SCAF4: variants seen among roughly 807,000 people sequenced by gnomAD.
SCAF4 encodes SR-related and CTD-associated factor 4.
SCAF4 carries 25 observed loss-of-function variants against 129.8 expected under a neutral mutation model. The observed-to-expected ratio is 0.19, with a 90% confidence interval of 0.14 to 0.27. The LOEUF is 0.27. Among genes scored for constraint, SCAF4 ranks in the 10% least tolerant of loss-of-function variants. The pLI, the probability that SCAF4 is intolerant of heterozygous loss-of-function variation, is 1.00. For synonymous variants in SCAF4, 551 were observed against 497.7 expected (o/e 1.11, Z -1.43); for missense variants, 1,246 against 1,457.1 (o/e 0.86, Z 2.36).
At position 31,699,717 on chromosome 21, in the gene SCAF4, A is replaced by T. The variant is rs74547096; in HGVS notation, c.777+1278T>A. 4.6e-3 allele frequency among the ~76,000 whole-genome samples: 706 copies of T among 152,146 alleles called. 3 individuals are homozygous for T. Among genetic ancestry groups the T allele is most frequent in the African/African-American group, 0.013 (533 of 41,406 alleles). On this transcript the variant is annotated intron_variant, in intron 7 of 19. Transcript: ENST00000286835. The stretch of plus-strand genomic sequence containing the variant: ...AGATATTTTAAAGATGATGAAACCA[A>T]AGGCATCAGTTCTGATTTTCAAACT...
At chr21:31,701,945 TA>T (rs763267615) in intron 5 of SCAF4, 27 bp from the exon 6 acceptor site, 126 of 1,589,374 alleles carry the variant, frequency 7.9e-5, no homozygotes, top group Admixed American at 5.1e-4. Flanking sequence ...CATTAAGGCC[TA>T]AAAAAAAAGT....
intron 19 of SCAF4, among the ~76,000 whole-genome samples, chr21:31,677,579 A>C (rs144016165): frequency 1.2e-3 from 179 of 152,288 alleles, no homozygotes; most frequent in South Asian, 8.9e-3. Context: ...CATTTTGCTA[A>C]ATCCAGCTGC....
chr21:31,674,819 T>C (rs910891451), intron 19 of SCAF4, among the ~76,000 whole-genome samples: 2 of 152,004 alleles, frequency 1.3e-5, no homozygotes, highest in East Asian at 1.9e-4. Context: ...ATTCATATTA[T>C]GTATTAAATA....
Position 31,702,222 on chromosome 21 carries a change from TCA to T in SCAF4, c.457+20_457+21del, listed in dbSNP as rs750446882. The T allele has an allele frequency of 3.0e-5, 49 of 1,613,618 alleles. No individual in the cohort carries two copies. In the Admixed American group the frequency reaches 3.7e-4, roughly 12 times the overall value. ...CAAAAAATCATACCATTGTGTGAGC[TCA>T]CAGATACATCTGACCATACCTTCAT... On this transcript the variant is annotated intron_variant, in intron 5 of 19. Transcript: ENST00000286835.
intron 6 of SCAF4, 73 bp downstream of exon 6, chr21:31,701,696 TATTAATG>T: frequency 7.0e-7 from 1 of 1,430,530 alleles, no homozygotes; most frequent in Non-Finnish European, 9.4e-7. Context: ...TCAATGTGCT[TATTAATG>T]AAGAATAGAA....
chr21:31,690,121 C>G (rs1028683459), intron 15 of SCAF4, among the ~76,000 whole-genome samples: 1 of 152,142 alleles, frequency 6.6e-6, no homozygotes, highest in South Asian at 2.1e-4. Flanking sequence ...TTGTCTTACA[C>G]GTTTACTTTA....
Position 31,685,160 on chromosome 21 carries a change from T to G in SCAF4, c.2377A>C (p.Arg793=). 6.2e-7 allele frequency: 1 copy of G among 1,612,876 alleles called. No homozygotes were observed. Among genetic ancestry groups the G allele is most frequent in the South Asian group, 1.1e-5 (1 of 91,034 alleles). Residue 793 remains arginine, a synonymous_variant, in exon 19 of 20, where the codon AGA becomes CGA. Transcript: ENST00000286835. The part of the protein sequence containing the change: ...NPIPTVVSGA[R]GNAESGDSVK... ...CTGTCACCAGACTCGGCGTTTCCTC[T>G]AGCCCCAGACACCACTGTTGGAATG...
Position 31,671,578 on chromosome 21 carries a change from C to T in SCAF4, c.3265G>A (p.Gly1089Ser), listed in dbSNP as rs144640840. 12 of 1,614,122 alleles carry T rather than the reference C, an allele frequency of 7.4e-6. No homozygotes were observed. The highest frequency in any genetic ancestry group is 1.0e-5 in the Non-Finnish European group (12 of 1,180,004). ...ATGGGAGGTTCAACGGTTTTGTTAC[C>T]ACCTGCCCTGTCTGTCACCTCAGGC... ...EKPEVTDRAG[G>S]NKTVEPPISQ... Residue 1089 changes from glycine to serine, a missense_variant, in exon 20 of 20, where the codon GGT becomes AGT. By Grantham distance (56) the Gly-to-Ser change is moderately conservative. This residue lies in a region of SCAF4 where 339 missense variants were observed against 325.0 expected (regional missense o/e 1.04). Transcript: ENST00000286835.
intron 1 of SCAF4, among the ~76,000 whole-genome samples, chr21:31,723,503 G>A (rs1436447424): frequency 1.3e-5 from 2 of 151,790 alleles, no homozygotes; most frequent in East Asian, 1.9e-4. Flanking sequence ...AAAAAATCCT[G>A]TAACATTTGT....
At chr21:31,691,755 C>T (rs2050264945) in intron 14 of SCAF4, 62 bp downstream of exon 14, 1 of 704,614 alleles carries the variant, frequency 1.4e-6, no homozygotes, top group Non-Finnish European at 2.2e-6. Context: ...TTTTATATGC[C>T]ACATATTTTT....
Position 31,701,049 on chromosome 21 carries a change from T to C in SCAF4, c.723A>G (p.Pro241=), listed in dbSNP as rs2050518667. 2 of 1,614,096 alleles carry C rather than the reference T, an allele frequency of 1.2e-6. No homozygotes were observed. Among genetic ancestry groups the C allele is most frequent in the Non-Finnish European group, 1.7e-6 (2 of 1,180,016 alleles). Residue 241 remains proline (P), a synonymous_variant, in exon 7 of 20, where the codon CCA becomes CCG. Coordinates refer to ENST00000286835, the MANE Select transcript of SCAF4 (RefSeq NM_020706.2). ...GGGGGAAAGCAGCTTTTTGTTCAGA[T>C]GGTTGTGTAGGAGTTGTCTTTAACT... ...TAQLKTTPTQ[P]SEQKAAFPPP...
rs1307647611 is a variant in SCAF4 at position 31,671,885 on chromosome 21, A to T, written c.2958T>A (p.Asp986Glu). Residue 986 changes from aspartate to glutamate, a missense_variant, in exon 20 of 20, where the codon GAT becomes GAA. Physicochemically the swap from Asp to Glu is conservative, Grantham distance 45. Coordinates refer to ENST00000286835, the MANE Select transcript of SCAF4 (RefSeq NM_020706.2). Reference sequence around the variant, plus strand: ...TACCTGAATTGAACTGCTGCCTGTTATCATTTCTAAACTGCTGTGGCTGCT... The same window carrying T: ...TACCTGAATTGAACTGCTGCCTGTTTTCATTTCTAAACTGCTGTGGCTGCT... Reference protein sequence around the residue: ...TQQQPQQFRNDNRQQFNSGRD... With the variant: ...TQQQPQQFRNENRQQFNSGRD... 2 of 1,613,978 alleles carry T rather than the reference A, an allele frequency of 1.2e-6. No individual in the cohort carries two copies. The highest frequency in any genetic ancestry group is 1.7e-6 in the Non-Finnish European group (2 of 1,180,004).
intron 1 of SCAF4, among the ~76,000 whole-genome samples, chr21:31,722,936 G>C (rs987799703): frequency 1.3e-5 from 2 of 152,098 alleles, no homozygotes; most frequent in Non-Finnish European, 2.9e-5. Context: ...CTGGGTGACA[G>C]AGCAAGACTC....
At chr21:31,678,574 C>G (rs956004138) in intron 19 of SCAF4, among the ~76,000 whole-genome samples, 1 of 147,470 alleles carries the variant, frequency 6.8e-6, no homozygotes, top group African/African-American at 2.4e-5. Flanking sequence ...CCATTTCCCA[C>G]TGCACTCAAA....
rs532815244 is a variant in SCAF4 at position 31,701,709 on chromosome 21, T to A, written c.600+67A>T. On this transcript the variant is annotated intron_variant, in intron 6 of 19. Transcript: ENST00000286835. ...TTTCAATGTGCTTATTAATGAAGAA[T>A]AGAAAACAAGAAGTGACAACAGTAC... 15 of 1,488,638 alleles carry A rather than the reference T, an allele frequency of 1.0e-5. No individual in the cohort carries two copies. In the Admixed American group the frequency reaches 1.9e-4, roughly 19 times the overall value. The allele number at this position is 1,488,638 out of a possible 1,614,324, so 92.2% of individuals were successfully genotyped here.
chr21:31,729,105 T>G (rs944343118), intron 1 of SCAF4, among the ~76,000 whole-genome samples: 9 of 152,138 alleles, frequency 5.9e-5, no homozygotes, highest in Non-Finnish European at 1.3e-4. Context: ...AACGAAACAG[T>G]TTTGATTACA....
chr21:31,694,346 G>A (rs2123544375), intron 10 of SCAF4, 57 bp from the exon 11 acceptor site: 4 of 1,098,620 alleles, frequency 3.6e-6, no homozygotes, highest in South Asian at 1.4e-5. Context: ...AAAGCAAGAG[G>A]ACAAAATCTA....
chr21:31,698,603 G>GT (rs1228858749), intron 7 of SCAF4, among the ~76,000 whole-genome samples: 1 of 152,126 alleles, frequency 6.6e-6, no homozygotes, highest in Non-Finnish European at 1.5e-5. Flanking sequence ...ATGAGAAGGT[G>GT]TTTTTTAGAT....
At chr21:31,702,209 C>A (rs772432709) in intron 5 of SCAF4, 35 bp downstream of exon 5, 2 of 1,612,366 alleles carry the variant, frequency 1.2e-6, no homozygotes, top group Non-Finnish European at 1.7e-6. Context: ...AAAAATCATA[C>A]CATTGTGTGA....
Sources: allele counts gnomAD v4.1 joint callset (sites outside exome capture counted in the v4.1 genomes callset), GRCh38; gene constraint gnomAD v4.1.1; regional missense constraint gnomAD v4.1.1; transcripts MANE v1.5; gene names NCBI Gene and HGNC (gene_info 2026-07-23, HGNC 2026-07-21).